ECE1: variants seen among roughly 807,000 people sequenced by gnomAD.
ECE1 encodes the protein endothelin-converting enzyme 1.
Under a neutral mutation model 98.6 loss-of-function variants are expected in ECE1, and 35 were observed. The observed-to-expected ratio is 0.35, with a 90% confidence interval of 0.27 to 0.47. The LOEUF (loss-of-function observed/expected upper bound fraction) is 0.47, where lower values mean the gene tolerates loss of function less well. ECE1 is among the 20% of genes least tolerant of loss of function. The pLI is 1.00. For missense variants in ECE1, 814 were observed against 1,025.3 expected, an observed-to-expected ratio of 0.79 and a Z score of 2.81; for synonymous variants, 394 against 407.1, an observed-to-expected ratio of 0.97 and a Z score of 0.39.
intron 1 of ECE1, among the ~76,000 whole-genome samples, chr1:21,330,153 T>G (rs1639169043): frequency 6.7e-6 from 1 of 148,776 alleles, no homozygotes; most frequent in Admixed American, 6.7e-5. Context: ...TTTTTTTTTT[T>G]TTTTGAGACA....
rs991542175 is a variant in ECE1, at chr1:21,260,048, C to G, written c.615+223G>C. ...TCTACAACAGATGCTGACACACACT[C>G]TCACACAAACACATGCACAGACAAC... On this transcript the variant is annotated intron_variant, in intron 5 of 18. Transcript: ENST00000374893. The surrounding 1 kb of genome is among the most constrained non-coding windows in gnomAD (Gnocchi z 4.3). 2.0e-5 allele frequency among the ~76,000 whole-genome samples: 3 copies of G among 152,270 alleles called. No individual in the cohort carries two copies. Among genetic ancestry groups the G allele is most frequent in the Admixed American group, 6.5e-5 (1 of 15,292 alleles).
At chr1:21,287,324 G>C (rs1187910486) in intron 2 of ECE1, among the ~76,000 whole-genome samples, 1 of 152,076 alleles carries the variant, frequency 6.6e-6, no homozygotes, top group Non-Finnish European at 1.5e-5. Flanking sequence ...GCAGGAGTTC[G>C]AGACCAGCCT....
intron 2 of ECE1, among the ~76,000 whole-genome samples, chr1:21,287,581 C>T (rs908838689): frequency 1.9e-4 from 29 of 152,256 alleles, no homozygotes; most frequent in African/African-American, 5.8e-4. Flanking sequence ...GTGTCGCTAG[C>T]AACCGGCCCA....
intron 14 of ECE1, among the ~76,000 whole-genome samples, chr1:21,231,130 A>G (rs188560092): frequency 1.3e-5 from 2 of 152,084 alleles, no homozygotes; most frequent in Admixed American, 6.5e-5. Context: ...GCCCAGCAAT[A>G]ATTTTTTTGA....
At chr1:21,276,026 CTTTTT>C (rs532213567) in intron 3 of ECE1, among the ~76,000 whole-genome samples, 15 of 91,272 alleles carry the variant, frequency 1.6e-4, no homozygotes, top group African/African-American at 7.7e-4. Flanking sequence ...TTAATACGTG[CTTTTT>C]TTTTTTTTTT....
Position 21,255,935 on chromosome 1 carries a change from C to A in ECE1, c.1020+12G>T, listed in dbSNP as rs776730935. ...CCATCCCAGCCTCCCTAGCAGCCGG[C>A]GCTCAAGTTACCTGCAGCTCGGCTG... On this transcript the variant is annotated intron_variant, in intron 8 of 18. Transcript: ENST00000374893. The A allele has an allele frequency of 1.9e-6, 3 of 1,613,738 alleles. No homozygotes were observed. The South Asian group carries it at 3.3e-5, about 18-fold the overall frequency.
rs3061092 is a variant in ECE1 at position 21,285,990 on chromosome 1, C to CAAA, written c.138+4077_138+4079dup. On this transcript the variant is annotated intron_variant, in intron 2 of 18. Transcript: ENST00000374893. ...CTGGACAACAAGCAAGACTCTGTCT[C>CAAA]AAAAAAAAAAAAAAAAAAGAGAAGA... Among the ~76,000 whole-genome samples, 65 of 68,884 alleles carry CAAA rather than the reference C, an allele frequency of 9.4e-4. 1 individual carries two copies. The highest frequency in any genetic ancestry group is 1.5e-3 in the South Asian group (3 of 2,020). 45.2% of individuals were successfully genotyped at this position (68,884 alleles called of 152,430 possible).
intron 2 of ECE1, among the ~76,000 whole-genome samples, chr1:21,287,649 C>T (rs2098262146): frequency 6.6e-6 from 1 of 152,170 alleles, no homozygotes; most frequent in Non-Finnish European, 1.5e-5. Context: ...GCAGTTGCGC[C>T]TAAGTGTCCA....
At chr1:21,312,048 A>G (rs1005352450) in intron 1 of ECE1, among the ~76,000 whole-genome samples, 1 of 150,398 alleles carries the variant, frequency 6.6e-6, no homozygotes, top group African/African-American at 2.5e-5. Flanking sequence ...GCTTGAACCC[A>G]GGAGGCGGAG....
intron 10 of ECE1, 96 bp from the exon 11 acceptor site, chr1:21,238,340 T>A: frequency 1.0e-6 from 1 of 999,304 alleles, no homozygotes; most frequent in Non-Finnish European, 1.5e-6. Flanking sequence ...GCCCATGCTT[T>A]GTTCTGGAAG....
intron 3 of ECE1, among the ~76,000 whole-genome samples, chr1:21,278,129 C>T (rs2098249661): frequency 6.6e-6 from 1 of 152,158 alleles, no homozygotes; most frequent in Non-Finnish European, 1.5e-5. Context: ...TGAGCAGAGC[C>T]CCCAGAGGCT....
Position 21,238,700 on chromosome 1 carries a change from G to A in ECE1, c.1279-456C>T, listed in dbSNP as rs28368008. 2.1e-3 allele frequency among the ~76,000 whole-genome samples: 327 copies of A among 152,334 alleles called. 11 individuals are homozygous for A. The East Asian group carries it at 0.058, about 27-fold the overall frequency. ...AGGAGTCCTGGAGGCAAAGAGCGGTGGAGAGTGACTGGTCTACCCTGAGTC... is the reference window on the plus strand; with the variant it reads ...AGGAGTCCTGGAGGCAAAGAGCGGTAGAGAGTGACTGGTCTACCCTGAGTC... On this transcript the variant is annotated intron_variant, in intron 10 of 18. Transcript: ENST00000374893.
intron 1 of ECE1, among the ~76,000 whole-genome samples, chr1:21,334,871 C>T (rs1558438230): frequency 1.3e-5 from 2 of 152,122 alleles, no homozygotes; most frequent in African/African-American, 4.8e-5. Flanking sequence ...TCCTGAGGCC[C>T]GCGCTCCTGC....
Position 21,322,928 on chromosome 1 carries a change from G to A in ECE1, c.3+22448C>T, listed in dbSNP as rs1270872784. On this transcript the variant is annotated intron_variant, in intron 1 of 18. Coordinates refer to the ECE1 transcript ENST00000415912. This position sits in a 1 kb window ranked among gnomAD's most constrained non-coding sequence, Gnocchi z 4.1. ...GAGGGAGGGCAGGTCCCAGGGCTCA[G>A]GGGTTGGGGTCATTTCCAAAAACAA... 1.3e-5 allele frequency among the ~76,000 whole-genome samples: 2 copies of A among 152,146 alleles called. No individual in the cohort carries two copies. Among genetic ancestry groups the A allele is most frequent in the Non-Finnish European group, 2.9e-5 (2 of 68,018 alleles).
chr1:21,260,420 A>T lies in ECE1; in HGVS notation c.494-28T>A. ...GGAACAACAGACAGTGGAGTTTGCA[A>T]TGCGGCCCCACTTGCCCACTGGGTG... is the stretch of plus-strand genomic sequence containing the variant. On this transcript the variant is annotated intron_variant, in intron 4 of 18. Coordinates refer to ENST00000374893, the MANE Select transcript of ECE1 (RefSeq NM_001397.3). This position sits in a 1 kb window ranked among gnomAD's most constrained non-coding sequence, Gnocchi z 4.3. 2.5e-6 allele frequency: 4 copies of T among 1,614,058 alleles called. No homozygotes were observed. Among genetic ancestry groups the T allele is most frequent in the Non-Finnish European group, 3.4e-6 (4 of 1,180,018 alleles).
chr1:21,293,305 C>G (rs1638255588), upstream of ECE1: 1 of 152,206 alleles, frequency 6.6e-6, no homozygotes, highest in South Asian at 2.1e-4. Context: ...GGACCCCAGA[C>G]AGCATTTGGT....
At chr1:21,227,046 G>A (rs1489570480) in intron 16 of ECE1, 113 bp downstream of exon 16, 10 of 1,026,184 alleles carry the variant, frequency 9.7e-6, no homozygotes, top group Non-Finnish European at 1.5e-5. Flanking sequence ...TAGTAGAGAT[G>A]GAGGTCTTGC....
chr1:21,221,711 T>C lies in ECE1; in HGVS notation c.2136+36A>G, dbSNP rs183564672. 131 of 1,600,542 alleles carry C rather than the reference T, an allele frequency of 8.2e-5. No homozygotes were observed. In the East Asian group the frequency reaches 1.7e-3, roughly 20 times the overall value. On this transcript the variant is annotated intron_variant, in intron 18 of 18. Coordinates refer to ENST00000374893, the MANE Select transcript of ECE1 (RefSeq NM_001397.3). ...CTCTTGAAACATCAAGATGGCAGAA[T>C]GTACCATGTGTGGCATGTTTTCCTA...
At chr1:21,231,704 G>C (rs956768439) in intron 14 of ECE1, among the ~76,000 whole-genome samples, 4 of 152,172 alleles carry the variant, frequency 2.6e-5, no homozygotes, top group African/African-American at 7.2e-5. Flanking sequence ...GCCCAGGCTG[G>C]AGTGCAGTGG....
Sources: gnomAD v4.1 joint callset for allele counts (sites outside exome capture counted in the v4.1 genomes callset) on GRCh38, gnomAD v4.1.1 for gene constraint, Gnocchi (gnomAD v3.1) non-coding constraint, MANE v1.5 for transcripts, NCBI Gene and HGNC (gene_info 2026-07-23, HGNC 2026-07-21) for gene names.